The following OSBPL2 variants were observed in gnomAD, a reference collection of about 807,000 sequenced individuals.
OSBPL2 encodes the protein oxysterol binding protein like 2.
Under a neutral mutation model 58.4 loss-of-function variants are expected in OSBPL2, and 18 were observed. The ratio of observed to expected loss-of-function variants is 0.31; its 90% CI spans 0.21 to 0.46. The LOEUF is 0.46. Among genes scored for constraint, OSBPL2 ranks in the 20% least tolerant of loss-of-function variants. The pLI, the probability that OSBPL2 is intolerant of heterozygous loss-of-function variation, is 1.00. For missense variants in OSBPL2, 461 were observed against 616.5 expected (o/e 0.75, Z 2.67); for synonymous variants, 221 against 234.1 (o/e 0.94, Z 0.51).
intron 7 of OSBPL2, 87 bp from the exon 8 acceptor site, chr20:62,280,971 C>A: frequency 9.5e-7 from 1 of 1,057,596 alleles, no homozygotes; most frequent in Non-Finnish European, 1.5e-6. Flanking sequence ...TTGCTGTGAC[C>A]CAGCCCCGCC....
In OSBPL2 at chr20:62,252,241, G is replaced by A. The variant is rs144894878; in HGVS notation, c.-128-3816G>A. 3.5e-3 allele frequency among the ~76,000 whole-genome samples: 537 copies of A among 152,012 alleles called. 7 individuals carry two copies. The highest frequency in any genetic ancestry group is 0.012 in the African/African-American group (500 of 41,446). On this transcript the variant is annotated intron_variant, in intron 1 of 13. Transcript: ENST00000313733. ...AGGTATAATTGGCATATAATCAATTGCACACATGTAACATGTACGATAGGT... is the reference window on the plus strand; with the variant it reads ...AGGTATAATTGGCATATAATCAATTACACACATGTAACATGTACGATAGGT...
intron 4 of OSBPL2, among the ~76,000 whole-genome samples, chr20:62,270,291 C>T (rs548312936): frequency 3.9e-5 from 6 of 152,058 alleles, no homozygotes; most frequent in African/African-American, 1.4e-4. Flanking sequence ...CCTGTTGCCA[C>T]TAGCACCTCC....
At chr20:62,275,670 A>G (rs1198772005) in intron 6 of OSBPL2, among the ~76,000 whole-genome samples, 1 of 150,080 alleles carries the variant, frequency 6.7e-6, no homozygotes, top group Non-Finnish European at 1.5e-5. Context: ...CTGCTCTTGA[A>G]CTCCTGAGCT....
chr20:62,252,469 A>T (rs1406927421), intron 1 of OSBPL2, among the ~76,000 whole-genome samples: 2 of 152,182 alleles, frequency 1.3e-5, no homozygotes, highest in East Asian at 3.9e-4. Context: ...GCTCAGTCAA[A>T]GTCACGAGGT....
chr20:62,275,082 G>A (rs552088744), intron 6 of OSBPL2, among the ~76,000 whole-genome samples: 123 of 152,218 alleles, frequency 8.1e-4, no homozygotes, highest in Admixed American at 3.8e-3. Flanking sequence ...CTGGGCTCAC[G>A]CCTGGAATAC....
rs1469486394 is a variant in OSBPL2 at position 62,288,096 on chromosome 20, A to C, written c.1126-1111A>C. ...GGACAGTCAGGGCAGAGACCCCTGG[A>C]GTAGACTAGTGTGTGAGGGCCCAGG... On this transcript the variant is annotated intron_variant, in intron 11 of 13. Coordinates refer to ENST00000313733, the MANE Select transcript of OSBPL2 (RefSeq NM_144498.4). This position sits in a 1 kb window ranked among gnomAD's most constrained non-coding sequence, Gnocchi z 4.8. 6.6e-6 allele frequency among the ~76,000 whole-genome samples: 1 copy of C among 152,026 alleles called. No homozygotes were observed. The highest frequency in any genetic ancestry group is 1.5e-5 in the Non-Finnish European group (1 of 68,014).
chr20:62,291,926 G>GGGGACGGCGGGGAGGC (rs1568855931), intron 13 of OSBPL2, 133 bp downstream of exon 13: 20 of 75,626 alleles, frequency 2.6e-4, no homozygotes, highest in East Asian at 1.0e-3. Flanking sequence ...GGCGGGGAGT[G>GGGGACGGCGGGGAGGC]CCTTCTCTCA....
At position 62,291,290 on chromosome 20, in the gene OSBPL2, G is replaced by C. The variant is rs1217280060; in HGVS notation, c.1250-413G>C. 1.7e-5 allele frequency: 5 copies of C among 289,958 alleles called. No individual in the cohort carries two copies. In the East Asian group the frequency reaches 4.8e-4, roughly 28 times the overall value. The allele number at this position is 289,958 out of a possible 1,614,324, so 18.0% of individuals were successfully genotyped here. A position where few individuals can be genotyped will look rare whatever the true frequency, so the allele number is the denominator to read the frequency against. On this transcript the variant is annotated intron_variant, in intron 12 of 13. Transcript: ENST00000313733. ...CAGAAGCCACATGGCAGTTACCCGG[G>C]AAGGTCAAGGCTAAAGGGAGCTCGT... is the stretch of plus-strand genomic sequence containing the variant.
At chr20:62,243,939 G>A (rs922060686) in intron 1 of OSBPL2, among the ~76,000 whole-genome samples, 1 of 152,020 alleles carries the variant, frequency 6.6e-6, no homozygotes, top group Non-Finnish European at 1.5e-5. Flanking sequence ...GCCTGTAGGT[G>A]CTCAGGAAGC....
chr20:62,260,554 T>A (rs914422328), intron 3 of OSBPL2, among the ~76,000 whole-genome samples: 15 of 152,206 alleles, frequency 9.9e-5, no homozygotes, highest in Non-Finnish European at 4.4e-5. Context: ...CGGAGTTCTA[T>A]TGCAGTGTGT....
chr20:62,287,083 C>G (rs2145975229), intron 11 of OSBPL2, among the ~76,000 whole-genome samples: 1 of 152,390 alleles, frequency 6.6e-6, no homozygotes, highest in Non-Finnish European at 1.5e-5. Context: ...TGCGTCTTAT[C>G]AAAAGAGGCT....
rs1290433956 is a variant in OSBPL2 at position 62,288,469 on chromosome 20, C to CGGAGGCTGTGGGTGCAGAGGCTG, written c.1126-716_1126-694dup. Among the ~76,000 whole-genome samples, 5 of 131,554 alleles carry CGGAGGCTGTGGGTGCAGAGGCTG rather than the reference C, an allele frequency of 3.8e-5. No homozygotes were observed. Among genetic ancestry groups the CGGAGGCTGTGGGTGCAGAGGCTG allele is most frequent in the Admixed American group, 1.6e-4 (2 of 12,762 alleles). 86.3% of individuals were successfully genotyped at this position (131,554 alleles called of 152,430 possible). A position where few individuals can be genotyped will look rare whatever the true frequency, so the allele number is the denominator to read the frequency against. On this transcript the variant is annotated intron_variant, in intron 11 of 13. Coordinates refer to ENST00000313733, the MANE Select transcript of OSBPL2 (RefSeq NM_144498.4). This position sits in a 1 kb window ranked among gnomAD's most constrained non-coding sequence, Gnocchi z 4.8. ...GCTGGGAGGCTGTGGGTACAGAGGC[C>CGGAGGCTGTGGGTGCAGAGGCTG]GGAGGCTGTGGGTGCAGAGGCTGGG...
In OSBPL2 at chr20:62,262,495, T is replaced by A. The variant is rs186194582; in HGVS notation, c.183-1121T>A. Among the ~76,000 whole-genome samples, 20 of 152,324 alleles carry A rather than the reference T, an allele frequency of 1.3e-4. No homozygotes were observed. In the East Asian group the frequency reaches 3.7e-3, roughly 28 times the overall value. ...TTCCCCTCCTGGTAGCACCTCCGAA[T>A]CACAAAGTATTCACTGAATGTGTGC... On this transcript the variant is annotated intron_variant, in intron 3 of 13. Coordinates refer to ENST00000313733, the MANE Select transcript of OSBPL2 (RefSeq NM_144498.4).
intron 1 of OSBPL2, among the ~76,000 whole-genome samples, chr20:62,241,875 G>A (rs1407806069): frequency 5.9e-5 from 9 of 152,300 alleles, no homozygotes; most frequent in African/African-American, 1.9e-4. Context: ...CATACTTCCT[G>A]TTTGGGTGTT....
intron 13 of OSBPL2, among the ~76,000 whole-genome samples, chr20:62,293,076 G>A (rs1035317551): frequency 5.3e-5 from 8 of 151,560 alleles, no homozygotes; most frequent in Middle Eastern, 3.4e-3. Context: ...GGGTTTCCCC[G>A]TGGTCTCGAT....
Position 62,286,555 on chromosome 20 carries a change from A to G in OSBPL2, c.997-28A>G, listed in dbSNP as rs371147585. 5.1e-5 allele frequency: 82 copies of G among 1,596,336 alleles called. No individual in the cohort carries two copies. The African/African-American group carries it at 1.0e-3, about 20-fold the overall frequency. ...GGCCAAGAGCGGCCTGGCCCCGGGC[A>G]GCCACACAGCAGGGTTCTGTGTTTC... On this transcript the variant is annotated intron_variant, in intron 10 of 13. Coordinates refer to ENST00000313733, the MANE Select transcript of OSBPL2 (RefSeq NM_144498.4).
At position 62,294,059 on chromosome 20, in the gene OSBPL2, C is replaced by T; in HGVS notation, c.*172C>T. ...TTCTAATTAACTGTTGATTGCCAAA[C>T]ATTTCACTCTGCTGTGCCGTCTCTT... On this transcript the variant is annotated 3_prime_UTR_variant, in exon 14 of 14. Transcript: ENST00000313733. 1.2e-6 allele frequency: 1 copy of T among 825,728 alleles called. No homozygotes were observed. Among genetic ancestry groups the T allele is most frequent in the South Asian group, 1.9e-5 (1 of 53,396 alleles). 51.2% of individuals were successfully genotyped at this position (825,728 alleles called of 1,614,324 possible). A position where few individuals can be genotyped will look rare whatever the true frequency, so the allele number is the denominator to read the frequency against.
intron 2 of OSBPL2, among the ~76,000 whole-genome samples, chr20:62,257,663 C>G (rs1981017016): frequency 1.3e-5 from 2 of 151,846 alleles, no homozygotes; most frequent in Non-Finnish European, 2.9e-5. Flanking sequence ...ATAGGATGTC[C>G]TTTTTGTCTG....
chr20:62,289,602 C>CTTT (rs1983358738), intron 12 of OSBPL2, among the ~76,000 whole-genome samples: 1 of 152,216 alleles, frequency 6.6e-6, no homozygotes, highest in African/African-American at 2.4e-5. Context: ...TGAAAAAATA[C>CTTT]ATACAAAGTA....
Sources: gnomAD v4.1 joint callset for allele counts (sites outside exome capture counted in the v4.1 genomes callset) on GRCh38, gnomAD v4.1.1 for gene constraint, Gnocchi (gnomAD v3.1) non-coding constraint, MANE v1.5 for transcripts, NCBI Gene and HGNC (gene_info 2026-07-23, HGNC 2026-07-21) for gene names.